Variants in TACC3 observed in about 807,000 individuals in gnomAD.
The protein encoded by TACC3 is transforming acidic coiled-coil-containing protein 3.
Under a neutral mutation model 86.0 loss-of-function variants are expected in TACC3, and 52 were observed. That is an observed-to-expected ratio of 0.60 (90% CI 0.48 to 0.76). The LOEUF (loss-of-function observed/expected upper bound fraction) is 0.76, where lower values mean the gene tolerates loss of function less well. TACC3 is among the 30% of genes least tolerant of loss of function. The probability of loss-of-function intolerance (pLI) is 0.00; values close to 1 mark genes in which losing one functional copy is unlikely to be tolerated. For missense variants in TACC3, 1,120 were observed against 1,070.4 expected, an observed-to-expected ratio of 1.05 and a Z score of -0.65; for synonymous variants, 512 against 430.0, an observed-to-expected ratio of 1.19 and a Z score of -2.36.
chr4:1,730,748 T>C (rs1356746953), intron 4 of TACC3, 139 bp from the exon 5 acceptor site: 3 of 1,024,566 alleles, frequency 2.9e-6, no homozygotes, highest in East Asian at 2.5e-5. Flanking sequence ...GACAGCCCCA[T>C]GCCTGGCACG....
rs535659866 is a variant in TACC3 at position 1,735,406 on chromosome 4, C to A, written c.1644+81C>A. On this transcript the variant is annotated intron_variant, in intron 7 of 15. Coordinates refer to ENST00000313288, the MANE Select transcript of TACC3 (RefSeq NM_006342.3). The surrounding 1 kb of genome is among the most constrained non-coding windows in gnomAD (Gnocchi z 4.2). ...CGGCAGGTCTTGCCCCCGGAGCGTCCCTTGGTGCCCACGTCCCCCCAGCTG... is the reference window on the plus strand; with the variant it reads ...CGGCAGGTCTTGCCCCCGGAGCGTCACTTGGTGCCCACGTCCCCCCAGCTG... 618 of 1,526,318 alleles carry A rather than the reference C, an allele frequency of 4.0e-4. No homozygotes were observed. Among genetic ancestry groups the A allele is most frequent in the Non-Finnish European group, 5.5e-4 (602 of 1,102,814 alleles). 94.5% of individuals were successfully genotyped at this position (1,526,318 alleles called of 1,614,324 possible). A position where few individuals can be genotyped will look rare whatever the true frequency, so the allele number is the denominator to read the frequency against.
intron 3 of TACC3, among the ~76,000 whole-genome samples, chr4:1,724,263 C>T (rs375981863): frequency 1.3e-5 from 2 of 151,484 alleles, no homozygotes; most frequent in Non-Finnish European, 1.5e-5. Flanking sequence ...TGAGCCACCA[C>T]GCCCGGCCGG....
At chr4:1,739,575 A>G (rs1718463315) in intron 10 of TACC3, 127 bp from the exon 11 acceptor site, 1 of 859,346 alleles carries the variant, frequency 1.2e-6, no homozygotes. Context: ...TGGAAGCCCC[A>G]CATGGAACTG....
intron 3 of TACC3, among the ~76,000 whole-genome samples, chr4:1,726,061 G>T (rs1353507894): frequency 6.6e-6 from 1 of 152,226 alleles, no homozygotes; most frequent in Non-Finnish European, 1.5e-5. Flanking sequence ...GGACCTGAAG[G>T]CTGGGGAACA....
intron 6 of TACC3, among the ~76,000 whole-genome samples, chr4:1,734,227 G>A (rs1248204731): frequency 3.3e-5 from 5 of 151,954 alleles, no homozygotes; most frequent in South Asian, 4.2e-4. Context: ...TTGCTCTGTC[G>A]CCCAGGCTGG....
intron 4 of TACC3, 144 bp from the exon 5 acceptor site, chr4:1,730,743 C>A: frequency 3.1e-6 from 3 of 972,796 alleles, no homozygotes; most frequent in South Asian, 2.7e-5. Context: ...CTTGGGACAG[C>A]CCCATGCCTG....
intron 8 of TACC3, among the ~76,000 whole-genome samples, chr4:1,736,118 C>T (rs1718250194): frequency 6.6e-6 from 1 of 152,218 alleles, no homozygotes; most frequent in South Asian, 2.1e-4. Flanking sequence ...TTTAAGAGTA[C>T]TTCCTCTAAA....
chr4:1,725,607 A>G (rs890833546), intron 3 of TACC3, among the ~76,000 whole-genome samples: 4 of 152,074 alleles, frequency 2.6e-5, no homozygotes, highest in Non-Finnish European at 4.4e-5. Flanking sequence ...CCTCTCCCCT[A>G]TGCCTCCAGG....
At chr4:1,723,677 T>G (rs753064828) in intron 2 of TACC3, 51 bp from the exon 3 acceptor site, 1 of 1,612,874 alleles carries the variant, frequency 6.2e-7, no homozygotes, top group South Asian at 1.1e-5. Context: ...CTGGTGTGGC[T>G]GTAACAGCTT....
rs922995540 is a variant in TACC3 at position 1,733,261 on chromosome 4, T to C, written c.1591+1960T>C. ...GATCCCTTGTCCATTGAGCCACTTA[T>C]GTTTTTATTACTGAGTTTTAAGAGG... is the stretch of plus-strand genomic sequence containing the variant. On this transcript the variant is annotated intron_variant, in intron 6 of 15. Coordinates refer to ENST00000313288, the MANE Select transcript of TACC3 (RefSeq NM_006342.3). Among the ~76,000 whole-genome samples the C allele has an allele frequency of 3.9e-5, 6 of 152,324 alleles. No homozygotes were observed. In the East Asian group the frequency reaches 9.6e-4, roughly 24 times the overall value.
Position 1,735,422 on chromosome 4 carries a change from C to A in TACC3, c.1644+97C>A. ...CGGAGCGTCCCTTGGTGCCCACGTC[C>A]CCCCAGCTGCACACAGGCCCAGGCA... On this transcript the variant is annotated intron_variant, in intron 7 of 15. Transcript: ENST00000313288. This position sits in a 1 kb window ranked among gnomAD's most constrained non-coding sequence, Gnocchi z 4.2. The A allele has an allele frequency of 7.2e-7, 1 of 1,385,474 alleles. No homozygotes were observed. The highest frequency in any genetic ancestry group is 1.0e-6 in the Non-Finnish European group (1 of 979,482). 85.8% of individuals were successfully genotyped at this position (1,385,474 alleles called of 1,614,324 possible). A position where few individuals can be genotyped will look rare whatever the true frequency, so the allele number is the denominator to read the frequency against.
chr4:1,742,685 G>A (rs1429447954), intron 13 of TACC3, among the ~76,000 whole-genome samples: 4 of 152,092 alleles, frequency 2.6e-5, no homozygotes, highest in African/African-American at 9.7e-5. Context: ...TGTAGTCCCA[G>A]CTACTCAGGA....
Position 1,735,185 on chromosome 4 carries a change from C to A in TACC3, c.1592-88C>A. ...AATACTGCTGGCTGGAATGATCCTG[C>A]CTCACTGAGTGCTGAGGGAGACACC... On this transcript the variant is annotated intron_variant, in intron 6 of 15. Coordinates refer to ENST00000313288, the MANE Select transcript of TACC3 (RefSeq NM_006342.3). This position sits in a 1 kb window ranked among gnomAD's most constrained non-coding sequence, Gnocchi z 4.2. The A allele has an allele frequency of 1.3e-6, 2 of 1,533,794 alleles. No homozygotes were observed. The highest frequency in any genetic ancestry group is 1.8e-6 in the Non-Finnish European group (2 of 1,111,668).
In TACC3 at chr4:1,728,334, G is replaced by T. The variant is rs1717815683; in HGVS notation, c.932G>T (p.Gly311Val). 6.2e-7 allele frequency: 1 copy of T among 1,613,042 alleles called. No individual in the cohort carries two copies. Among genetic ancestry groups the T allele is most frequent in the Non-Finnish European group, 8.5e-7 (1 of 1,180,044 alleles). ...STAPTNHLVA[G>V]RAMTLSPQEE... ...GCCCCAACCAACCACCTGGTGGCTG[G>T]CAGGGCCATGACCCTGAGTCCTCAG... Residue 311 changes from glycine to valine, a missense_variant, in exon 4 of 16, where the codon GGC (glycine) becomes GTC (valine). Physicochemically the swap from Gly to Val is moderately radical, Grantham distance 109 (BLOSUM62 -3). Coordinates refer to ENST00000313288, the MANE Select transcript of TACC3 (RefSeq NM_006342.3).
rs1217481602 is a variant in TACC3 at position 1,730,912 on chromosome 4, G to A, written c.1411G>A (p.Asp471Asn). The A allele has an allele frequency of 9.3e-6, 15 of 1,613,390 alleles. 1 individual carries two copies. The highest frequency in any genetic ancestry group is 1.7e-4 in the Middle Eastern group (1 of 6,056). The change falls in exon 5 of 16, where the codon GAC becomes AAC. Residue 471 changes from aspartate to asparagine, a missense_variant. By Grantham distance (23) the Asp-to-Asn change is conservative. Coordinates refer to ENST00000313288, the MANE Select transcript of TACC3 (RefSeq NM_006342.3). ...GCAGCTGCATTCAGCCTCAGCGGAG[G>A]ACACGCCTGTGGTGCAGTTGGCAGC... ...SQQLHSASAE[D>N]TPVVQLAAET...
At chr4:1,730,783 G>A (rs746900372) in intron 4 of TACC3, 104 bp from the exon 5 acceptor site, 15 of 1,283,144 alleles carry the variant, frequency 1.2e-5, no homozygotes, top group East Asian at 7.1e-5. Context: ...TCACGTGGCC[G>A]GCACAGCAGT....
Position 1,735,908 on chromosome 4 carries a change from G to A in TACC3, c.1748+74G>A, listed in dbSNP as rs78261720. 356 of 1,096,826 alleles carry A rather than the reference G, an allele frequency of 3.2e-4. No homozygotes were observed. The East Asian group carries it at 7.1e-3, about 22-fold the overall frequency. The allele number at this position is 1,096,826 out of a possible 1,614,324, so 67.9% of individuals were successfully genotyped here. ...ACTGGAGGCTGTTCCTAGGTGTGCT[G>A]TCTGCACAGAGGCTTCTAGACCGGG... On this transcript the variant is annotated intron_variant, in intron 8 of 15. Coordinates refer to ENST00000313288, the MANE Select transcript of TACC3 (RefSeq NM_006342.3). This position sits in a 1 kb window ranked among gnomAD's most constrained non-coding sequence, Gnocchi z 4.2.
chr4:1,721,500 C>T (rs1717353914), upstream of TACC3: 2 of 152,194 alleles, frequency 1.3e-5, no homozygotes, highest in Non-Finnish European at 1.5e-5. Context: ...GCGTTTGAAA[C>T]TCCGGCGCGC....
At chr4:1,734,133 G>A (rs2108701099) in intron 6 of TACC3, among the ~76,000 whole-genome samples, 1 of 152,360 alleles carries the variant, frequency 6.6e-6, no homozygotes, top group Non-Finnish European at 1.5e-5. Context: ...GACAAAACTA[G>A]AGATGCCTCA....
Sources: gnomAD v4.1 joint callset for allele counts (sites outside exome capture counted in the v4.1 genomes callset) on GRCh38, gnomAD v4.1.1 for gene constraint, Gnocchi (gnomAD v3.1) non-coding constraint, MANE v1.5 for transcripts, NCBI Gene and HGNC (gene_info 2026-07-23, HGNC 2026-07-21) for gene names.